The following RRM2 variants were observed in gnomAD, a reference collection of about 807,000 sequenced individuals.
RRM2 encodes the protein ribonucleotide reductase regulatory subunit M2.
In RRM2, 6 loss-of-function variants were observed where a neutral mutation model predicts 45.9. The observed-to-expected ratio is 0.13, with a 90% CI of 0.07 to 0.26. RRM2 has a LOEUF of 0.26. Among genes scored for constraint, RRM2 ranks in the 10% least tolerant of loss-of-function variants. The pLI, the probability that RRM2 is intolerant of heterozygous loss-of-function variation, is 1.00. For missense variants in RRM2, 343 were observed against 489.5 expected (o/e 0.70, Z 2.82); for synonymous variants, 177 against 173.0 (o/e 1.02, Z -0.18).
rs943381155 is a variant in RRM2 at position 10,172,297 on chromosome 2, G to T, written n.482+29922G>T. On this transcript the variant is annotated intron_variant and non_coding_transcript_variant, in intron 3 of 3. Transcript: ENST00000381786. This position sits in a 1 kb window ranked among gnomAD's most constrained non-coding sequence, Gnocchi z 4.9. ...TGAAGGAGGCTGGGGCTGGCACCGT[G>T]GTGGTCCCTGGGCTGTGCCTGTTTC... Among the ~76,000 whole-genome samples, 1 of 152,104 alleles carries T rather than the reference G, an allele frequency of 6.6e-6. No individual in the cohort carries two copies. Among genetic ancestry groups the T allele is most frequent in the Non-Finnish European group, 1.5e-5 (1 of 68,002 alleles).
intron 3 of RRM2, among the ~76,000 whole-genome samples, chr2:10,147,744 A>G (rs571712318): frequency 6.6e-6 from 1 of 152,232 alleles, no homozygotes; most frequent in African/African-American, 2.4e-5. Flanking sequence ...CTTTTTTGCC[A>G]TCTAATTTTA....
chr2:10,191,632 C>T (rs10205991), intron 3 of RRM2, among the ~76,000 whole-genome samples: 79,586 of 151,834 alleles, frequency 0.52, 22,555 homozygotes, highest in East Asian at 0.85. Flanking sequence ...TGGGGCCTTC[C>T]TGGGTTTGGG....
chr2:10,146,652 A>AG (rs35707505), intron 3 of RRM2, among the ~76,000 whole-genome samples: 95,232 of 152,016 alleles, frequency 0.63, 30,365 homozygotes, highest in African/African-American at 0.7. Context: ...CCATGCTTGG[A>AG]GGGCGCAGGA....
At chr2:10,175,924 A>G (rs1187004755) in intron 3 of RRM2, among the ~76,000 whole-genome samples, 1 of 151,928 alleles carries the variant, frequency 6.6e-6, no homozygotes, top group Non-Finnish European at 1.5e-5. Context: ...TATGAATTTG[A>G]CCATTCTAGG....
chr2:10,144,387 G>C (rs1479965216), intron 3 of RRM2, among the ~76,000 whole-genome samples: 3 of 152,220 alleles, frequency 2.0e-5, no homozygotes, highest in Non-Finnish European at 4.4e-5. Context: ...GATGTGGTGG[G>C]GAAGTGAGTT....
At chr2:10,188,816 C>A (rs1043146140) in intron 3 of RRM2, among the ~76,000 whole-genome samples, 1 of 152,302 alleles carries the variant, frequency 6.6e-6, no homozygotes. Context: ...AGGAAGAGGG[C>A]GCTGCGGAGA....
rs1400048420 is a variant in RRM2, at chr2:10,205,872, A to G, written n.483-4439A>G. On this transcript the variant is annotated intron_variant and non_coding_transcript_variant, in intron 3 of 3. Coordinates refer to the RRM2 transcript ENST00000381786. This position sits in a 1 kb window ranked among gnomAD's most constrained non-coding sequence, Gnocchi z 4.8. ...ACCCCTGGATAATTTTTGTATTTTT[A>G]GTGGAGACGAGGTTTTCACCACGTT... Among the ~76,000 whole-genome samples the G allele has an allele frequency of 1.3e-5, 2 of 151,888 alleles. No individual in the cohort carries two copies. The highest frequency in any genetic ancestry group is 2.9e-5 in the Non-Finnish European group (2 of 67,962).
chr2:10,164,031 AGT>A (rs1400234549), intron 3 of RRM2, among the ~76,000 whole-genome samples: 3 of 151,144 alleles, frequency 2.0e-5, no homozygotes, highest in Non-Finnish European at 4.4e-5. Flanking sequence ...TGTGTGCATG[AGT>A]GTGAGTGTGA....
chr2:10,142,429 G>C, intron 3 of RRM2: 1 of 1,363,836 alleles, frequency 7.3e-7, no homozygotes, highest in Non-Finnish European at 9.8e-7. Flanking sequence ...CTGTGGAGGT[G>C]GCTTGCGGGG....
chr2:10,197,417 G>T (rs1163641659), intron 3 of RRM2, among the ~76,000 whole-genome samples: 1 of 152,196 alleles, frequency 6.6e-6, no homozygotes, highest in Non-Finnish European at 1.5e-5. Context: ...GGGCACAGGG[G>T]CTGCTCAAAC....
rs117812037 is a variant in RRM2, at chr2:10,169,207, C to A, written n.482+26832C>A. On this transcript the variant is annotated intron_variant and non_coding_transcript_variant, in intron 3 of 3. Coordinates refer to the RRM2 transcript ENST00000381786. This position sits in a 1 kb window ranked among gnomAD's most constrained non-coding sequence, Gnocchi z 5.1. ...GTGTTGCCCAGGCTAGTTTTGAACT[C>A]CCGGGCTCAATCCTCCTGCCTCAGC... 2.9e-4 allele frequency among the ~76,000 whole-genome samples: 44 copies of A among 149,312 alleles called. 2 individuals are homozygous for A. In the East Asian group the frequency reaches 8.4e-3, roughly 29 times the overall value.
chr2:10,157,052 C>T (rs191895114), intron 3 of RRM2, among the ~76,000 whole-genome samples: 6 of 111,914 alleles, frequency 5.4e-5, no homozygotes, highest in African/African-American at 1.7e-4. Context: ...GATGGAGTCT[C>T]GCTCTGTCGC....
rs1664139095 is a variant in RRM2 at position 10,185,240 on chromosome 2, A to G, written n.483-25071A>G. Among the ~76,000 whole-genome samples, 1 of 151,722 alleles carries G rather than the reference A, an allele frequency of 6.6e-6. No individual in the cohort carries two copies. The highest frequency in any genetic ancestry group is 2.4e-5 in the African/African-American group (1 of 41,374). On this transcript the variant is annotated intron_variant and non_coding_transcript_variant, in intron 3 of 3. Transcript: ENST00000381786. This position sits in a 1 kb window ranked among gnomAD's most constrained non-coding sequence, Gnocchi z 4.3. Reference sequence around the variant, plus strand: ...TTGGCTGCTGACTCCAGGACAAGAGACAGAGAGAGAGCGTGAAAGCGAGAC... The same window carrying G: ...TTGGCTGCTGACTCCAGGACAAGAGGCAGAGAGAGAGCGTGAAAGCGAGAC...
At position 10,205,287 on chromosome 2, in the gene RRM2, G is replaced by T. The variant is rs1473801564; in HGVS notation, n.483-5024G>T. Reference sequence around the variant, plus strand: ...AGTCTCCTGGGGAGTCAGCTTGAATGGGGCCTGTGATATCTGCGGCCAGTG... The same window carrying T: ...AGTCTCCTGGGGAGTCAGCTTGAATTGGGCCTGTGATATCTGCGGCCAGTG... On this transcript the variant is annotated intron_variant and non_coding_transcript_variant, in intron 3 of 3. Coordinates refer to the RRM2 transcript ENST00000381786. The surrounding 1 kb of genome is among the most constrained non-coding windows in gnomAD (Gnocchi z 4.8). 6.6e-6 allele frequency among the ~76,000 whole-genome samples: 1 copy of T among 152,212 alleles called. No individual in the cohort carries two copies. Among genetic ancestry groups the T allele is most frequent in the Non-Finnish European group, 1.5e-5 (1 of 68,048 alleles).
rs1664149743 is a variant in RRM2 at position 10,185,676 on chromosome 2, A to G, written n.483-24635A>G. On this transcript the variant is annotated intron_variant and non_coding_transcript_variant, in intron 3 of 3. Transcript: ENST00000381786. This position sits in a 1 kb window ranked among gnomAD's most constrained non-coding sequence, Gnocchi z 4.3. ...ATTCTTGAGGATGAGAAATTCTTACAAATGTATATTTTTTGTGCCCCTGTG... is the reference window on the plus strand; with the variant it reads ...ATTCTTGAGGATGAGAAATTCTTACGAATGTATATTTTTTGTGCCCCTGTG... 6.6e-6 allele frequency among the ~76,000 whole-genome samples: 1 copy of G among 152,132 alleles called. No homozygotes were observed.
chr2:10,169,407 C>T lies in RRM2; in HGVS notation n.482+27032C>T, dbSNP rs1326718367. ...CTGAAAGACAAAGACTGTCTTTGTT[C>T]TAGAAAAGTGCTCATAGGCGCTGTG... On this transcript the variant is annotated intron_variant and non_coding_transcript_variant, in intron 3 of 3. Coordinates refer to the RRM2 transcript ENST00000381786. This position sits in a 1 kb window ranked among gnomAD's most constrained non-coding sequence, Gnocchi z 5.1. 1.3e-5 allele frequency among the ~76,000 whole-genome samples: 2 copies of T among 152,158 alleles called. No individual in the cohort carries two copies. The highest frequency in any genetic ancestry group is 3.8e-4 in the East Asian group (2 of 5,204).
intron 3 of RRM2, among the ~76,000 whole-genome samples, chr2:10,201,724 A>G (rs1386072957): frequency 6.6e-6 from 1 of 152,270 alleles, no homozygotes; most frequent in African/African-American, 2.4e-5. Context: ...CAATTTTAAC[A>G]TAACAATTAT....
rs1662855374 is a variant in RRM2, at chr2:10,129,603, A to G, written c.*217A>G. The G allele has an allele frequency of 1.8e-6, 1 of 557,620 alleles. No homozygotes were observed. The highest frequency in any genetic ancestry group is 3.5e-5 in the Admixed American group (1 of 28,740). The allele number at this position is 557,620 out of a possible 1,614,324, so 34.5% of individuals were successfully genotyped here. Reference sequence around the variant, plus strand: ...AAGGCCTGGCTGGCTGTGACTTACCATAGCAGTGACAATGGCAGTCTTGGC... The same window carrying G: ...AAGGCCTGGCTGGCTGTGACTTACCGTAGCAGTGACAATGGCAGTCTTGGC... On this transcript the variant is annotated 3_prime_UTR_variant, in exon 10 of 10. Transcript: ENST00000304567. This position sits in a 1 kb window ranked among gnomAD's most constrained non-coding sequence, Gnocchi z 4.8.
At chr2:10,166,214 T>C (rs1343935666) in intron 3 of RRM2, among the ~76,000 whole-genome samples, 1 of 152,230 alleles carries the variant, frequency 6.6e-6, no homozygotes, top group African/African-American at 2.4e-5. Context: ...ACACTTCATC[T>C]AATTGATTAA....
Sources: allele counts gnomAD v4.1 joint callset (sites outside exome capture counted in the v4.1 genomes callset), GRCh38; gene constraint gnomAD v4.1.1; non-coding constraint Gnocchi (gnomAD v3.1); transcripts MANE v1.5; gene names NCBI Gene and HGNC (gene_info 2026-07-23, HGNC 2026-07-21).